The following CDC42BPB variants were observed in gnomAD, a reference collection of about 807,000 sequenced individuals.
CDC42BPB encodes CDC42 binding protein kinase beta, also known as serine/threonine-protein kinase MRCK beta.
CDC42BPB carries 37 observed loss-of-function variants against 214.9 expected under a neutral mutation model. The observed-to-expected ratio is 0.17, with a 90% CI of 0.13 to 0.23. CDC42BPB has a LOEUF of 0.23. Among genes scored for constraint, CDC42BPB ranks in the 10% least tolerant of loss-of-function variants. The probability of loss-of-function intolerance (pLI) is 1.00; values close to 1 mark genes in which losing one functional copy is unlikely to be tolerated. For synonymous variants in CDC42BPB, 931 were observed against 884.0 expected, an observed-to-expected ratio of 1.05 and a Z score of -0.94; for missense variants, 1,694 against 2,227.0, an observed-to-expected ratio of 0.76 and a Z score of 4.82.
intron 21 of CDC42BPB, among the ~76,000 whole-genome samples, chr14:102,956,666 C>T (rs758389114): frequency 6.6e-6 from 1 of 151,914 alleles, no homozygotes; most frequent in Non-Finnish European, 1.5e-5. Flanking sequence ...TCCATCTCTA[C>T]AAAAATTTAA....
intron 1 of CDC42BPB, among the ~76,000 whole-genome samples, chr14:103,053,824 T>C (rs1244883970): frequency 2.0e-5 from 3 of 148,498 alleles, no homozygotes; most frequent in South Asian, 2.1e-4. Flanking sequence ...AATAAGAAAA[T>C]ATGAGCCAAA....
At chr14:103,036,030 A>G (rs751615067) in intron 1 of CDC42BPB, among the ~76,000 whole-genome samples, 1 of 152,070 alleles carries the variant, frequency 6.6e-6, no homozygotes, top group Non-Finnish European at 1.5e-5. Context: ...ACGCACCTGT[A>G]GTACCAGCTA....
chr14:103,016,185 G>A (rs1327881252), intron 1 of CDC42BPB, among the ~76,000 whole-genome samples: 2 of 152,262 alleles, frequency 1.3e-5, no homozygotes, highest in Admixed American at 1.3e-4. Flanking sequence ...CTGACGCTGG[G>A]CTCTCTGAGG....
chr14:102,969,590 G>A (rs557173656), intron 14 of CDC42BPB, among the ~76,000 whole-genome samples: 6 of 152,334 alleles, frequency 3.9e-5, no homozygotes, highest in Admixed American at 6.5e-5. Context: ...CAGACCCATC[G>A]CACGCGGCTC....
chr14:102,953,768 C>T (rs192549491), intron 23 of CDC42BPB, among the ~76,000 whole-genome samples: 94 of 152,322 alleles, frequency 6.2e-4, no homozygotes, highest in Admixed American at 1.6e-3. Flanking sequence ...GGCTCAGAAC[C>T]GCACATGCAC....
intron 5 of CDC42BPB, among the ~76,000 whole-genome samples, chr14:102,993,649 G>A (rs1190039931): frequency 6.6e-6 from 1 of 152,060 alleles, no homozygotes; most frequent in Admixed American, 6.5e-5. Context: ...ACTCAGAAGC[G>A]CTCACTCGAC....
At chr14:103,012,222 C>A in intron 1 of CDC42BPB, 34 bp from the exon 2 acceptor site, 1 of 1,566,164 alleles carries the variant, frequency 6.4e-7, no homozygotes, top group South Asian at 1.1e-5. Context: ...ACAATTTAGT[C>A]TAATCAGTTC....
rs547372239 is a variant in CDC42BPB at position 102,973,866 on chromosome 14, G to A, written c.1641+150C>T. ...AGCAGGCAGGCGTGGCAGGGGCCCC[G>A]GGGCCAGGCTTGGCCCTGGCGTCCT... On this transcript the variant is annotated intron_variant, in intron 12 of 36. Coordinates refer to ENST00000361246, the MANE Select transcript of CDC42BPB (RefSeq NM_006035.4). The A allele has an allele frequency of 4.0e-5, 40 of 1,010,854 alleles. No homozygotes were observed. The Middle Eastern group carries it at 2.2e-3, about 57-fold the overall frequency. The allele number at this position is 1,010,854 out of a possible 1,614,324, so 62.6% of individuals were successfully genotyped here.
intron 1 of CDC42BPB, among the ~76,000 whole-genome samples, chr14:103,044,419 G>A (rs1460332614): frequency 1.4e-5 from 2 of 143,926 alleles, no homozygotes; most frequent in African/African-American, 5.2e-5. Flanking sequence ...ACCCAGGCTC[G>A]AGTGCACTGG....
intron 30 of CDC42BPB, chr14:102,941,161 G>C: frequency 1.0e-6 from 1 of 985,438 alleles, no homozygotes; most frequent in Non-Finnish European, 1.2e-6. Flanking sequence ...TGCCCCCACA[G>C]CCCCTCAGCG....
At chr14:103,024,248 G>A (rs1595160139) in intron 1 of CDC42BPB, among the ~76,000 whole-genome samples, 1 of 152,218 alleles carries the variant, frequency 6.6e-6, no homozygotes, top group South Asian at 2.1e-4. Flanking sequence ...GGACAGAAAG[G>A]AGCCCCAATG....
intron 23 of CDC42BPB, among the ~76,000 whole-genome samples, chr14:102,953,187 A>G (rs1447128050): frequency 1.3e-5 from 2 of 152,248 alleles, no homozygotes; most frequent in African/African-American, 4.8e-5. Context: ...GCTCAGGCGC[A>G]GCAGAGACCA....
intron 1 of CDC42BPB, among the ~76,000 whole-genome samples, chr14:103,052,524 G>A (rs974617545): frequency 1.3e-5 from 2 of 152,142 alleles, no homozygotes; most frequent in Non-Finnish European, 2.9e-5. Context: ...CTCACACCTT[G>A]GGCTGGCCAT....
At chr14:102,997,859 G>A (rs528043744) in intron 5 of CDC42BPB, among the ~76,000 whole-genome samples, 2 of 152,306 alleles carry the variant, frequency 1.3e-5, no homozygotes, top group African/African-American at 2.4e-5. Flanking sequence ...TCAGGATGAC[G>A]TGGAGCCGGG....
rs753989232 is a variant in CDC42BPB at position 103,001,269 on chromosome 14, C to A, written c.448-1556G>T. On this transcript the variant is annotated intron_variant, in intron 4 of 36. Coordinates refer to ENST00000361246, the MANE Select transcript of CDC42BPB (RefSeq NM_006035.4). This position sits in a 1 kb window ranked among gnomAD's most constrained non-coding sequence, Gnocchi z 5.8. ...TGCACCCTCACTGTGGCCCCGCCAGCCCCTCTGGCAACAGGGGTGCTGGCA... is the reference window on the plus strand; with the variant it reads ...TGCACCCTCACTGTGGCCCCGCCAGACCCTCTGGCAACAGGGGTGCTGGCA... Among the ~76,000 whole-genome samples the A allele has an allele frequency of 2.6e-5, 4 of 152,206 alleles. No individual in the cohort carries two copies. The highest frequency in any genetic ancestry group is 5.9e-5 in the Non-Finnish European group (4 of 68,030).
chr14:102,990,458 G>A (rs918525957), intron 5 of CDC42BPB, among the ~76,000 whole-genome samples: 11 of 152,110 alleles, frequency 7.2e-5, no homozygotes, highest in Admixed American at 4.6e-4. Flanking sequence ...ACGTACTAAC[G>A]GTGCTGGGAG....
At chr14:102,957,685 G>T (rs1566857092) in intron 21 of CDC42BPB, among the ~76,000 whole-genome samples, 1 of 152,250 alleles carries the variant, frequency 6.6e-6, no homozygotes, top group Admixed American at 6.5e-5. Flanking sequence ...GTCCAGAGTG[G>T]CTGTGAGCAA....
intron 1 of CDC42BPB, among the ~76,000 whole-genome samples, chr14:103,042,767 C>G (rs758002940): frequency 3.9e-5 from 6 of 152,192 alleles, no homozygotes; most frequent in Non-Finnish European, 8.8e-5. Context: ...TTCACACCCA[C>G]TAGGACAGAA....
intron 1 of CDC42BPB, among the ~76,000 whole-genome samples, chr14:103,022,118 C>T (rs940418799): frequency 6.6e-6 from 1 of 152,048 alleles, no homozygotes; most frequent in Non-Finnish European, 1.5e-5. Flanking sequence ...AGGACAGAAC[C>T]CTGGGGGGCT....
Sources: allele counts gnomAD v4.1 joint callset (sites outside exome capture counted in the v4.1 genomes callset), GRCh38; gene constraint gnomAD v4.1.1; non-coding constraint Gnocchi (gnomAD v3.1); transcripts MANE v1.5; gene names NCBI Gene and HGNC (gene_info 2026-07-23, HGNC 2026-07-21).